TMCO5A: variants seen among roughly 807,000 people sequenced by gnomAD.
The protein encoded by TMCO5A is transmembrane and coiled-coil domains 5A.
TMCO5A carries 34 observed loss-of-function variants against 42.3 expected under a neutral mutation model. The observed-to-expected ratio is 0.80, with a 90% CI of 0.61 to 1.07. The LOEUF (loss-of-function observed/expected upper bound fraction) is 1.07, where lower values mean the gene tolerates loss of function less well. TMCO5A is among the 50% of genes least tolerant of loss of function. The probability of loss-of-function intolerance (pLI) is 0.00; values close to 1 mark genes in which losing one functional copy is unlikely to be tolerated. For missense variants in TMCO5A, 357 were observed against 327.9 expected, an observed-to-expected ratio of 1.09 and a Z score of -0.69; for synonymous variants, 131 against 115.6, an observed-to-expected ratio of 1.13 and a Z score of -0.86.
chr15:37,937,204 G>T (rs765710934), intron 4 of TMCO5A, 142 bp from the exon 5 acceptor site: 106 of 1,126,916 alleles, frequency 9.4e-5, no homozygotes, highest in Non-Finnish European at 1.2e-4. Flanking sequence ...CCTGTGGTTT[G>T]ATTTCAATAT....
the TMCO5A span, chr15:37,994,829 C>T: frequency 1.3e-5 from 2 of 152,344 alleles, no homozygotes; most frequent in Non-Finnish European, 2.9e-5. Flanking sequence ...TGTGTGAAGA[C>T]AAGAGTGAGT....
chr15:37,974,827 G>T, the TMCO5A span, among the ~76,000 whole-genome samples: 2 of 152,004 alleles, frequency 1.3e-5, no homozygotes, highest in Non-Finnish European at 2.9e-5. Context: ...GTTACTCTAG[G>T]TGTTATGTTA....
the TMCO5A span, among the ~76,000 whole-genome samples, chr15:38,039,311 C>T: frequency 5.9e-5 from 9 of 152,138 alleles, no homozygotes; most frequent in East Asian, 9.7e-4. Context: ...TAAGAGAAAA[C>T]GAATGTTAAG....
At chr15:38,014,397 C>T in the TMCO5A span, among the ~76,000 whole-genome samples, 1 of 152,106 alleles carries the variant, frequency 6.6e-6, no homozygotes. Context: ...CCCTTCAGCT[C>T]CCCATTCTTA....
intron 4 of TMCO5A, 108 bp from the exon 5 acceptor site, chr15:37,937,238 G>T: frequency 5.9e-6 from 8 of 1,349,088 alleles, no homozygotes; most frequent in Non-Finnish European, 8.4e-6. Flanking sequence ...TGCAAATAAG[G>T]TCAAGTTACT....
chr15:37,988,208 T>A, the TMCO5A span, among the ~76,000 whole-genome samples: 2 of 152,160 alleles, frequency 1.3e-5, no homozygotes, highest in East Asian at 3.8e-4. Flanking sequence ...TCCTGCTACT[T>A]TGCTGAATTC....
chr15:37,976,793 CTTT>C, the TMCO5A span, among the ~76,000 whole-genome samples: 2,848 of 116,862 alleles, frequency 0.024, 75 homozygotes, highest in African/African-American at 0.093. Context: ...TTTCTTCTTT[CTTT>C]TTTTTTTTTT....
the TMCO5A span, among the ~76,000 whole-genome samples, chr15:38,032,070 C>T: frequency 6.6e-6 from 1 of 152,102 alleles, no homozygotes; most frequent in Non-Finnish European, 1.5e-5. Flanking sequence ...ATTCTCCTGC[C>T]TCAGCTTCCC....
chr15:38,035,763 T>C, the TMCO5A span, among the ~76,000 whole-genome samples: 1 of 152,190 alleles, frequency 6.6e-6, no homozygotes, highest in Non-Finnish European at 1.5e-5. Flanking sequence ...TTTGCTTGTA[T>C]TCAGAAAGCC....
At chr15:38,000,746 C>T in the TMCO5A span, among the ~76,000 whole-genome samples, 17 of 152,026 alleles carry the variant, frequency 1.1e-4, no homozygotes, top group African/African-American at 3.1e-4. Context: ...CAATTTCCTT[C>T]GTAATTTCTT....
downstream of TMCO5A, among the ~76,000 whole-genome samples, chr15:37,952,387 A>T (rs1890182126): frequency 6.6e-6 from 1 of 152,076 alleles, no homozygotes; most frequent in African/African-American, 2.4e-5. Context: ...GCTCAGCCAC[A>T]GGAAGATAGG....
chr15:38,013,184 C>T, the TMCO5A span, among the ~76,000 whole-genome samples: 8 of 152,158 alleles, frequency 5.3e-5, no homozygotes, highest in Non-Finnish European at 7.4e-5. Flanking sequence ...CCAGAAGCCA[C>T]CCACAAAGAT....
chr15:37,957,730 GA>G (rs1182537459), intron 11 of TMCO5A, among the ~76,000 whole-genome samples: 6 of 152,018 alleles, frequency 3.9e-5, no homozygotes, highest in Non-Finnish European at 8.8e-5. Flanking sequence ...CAAAGAATCA[GA>G]AAAAACTACT....
chr15:38,027,069 C>T, the TMCO5A span, among the ~76,000 whole-genome samples: 1 of 152,182 alleles, frequency 6.6e-6, no homozygotes, highest in African/African-American at 2.4e-5. Flanking sequence ...ATCCCCCACA[C>T]AGAGTCCCTC....
intron 2 of TMCO5A, 180 bp from the exon 3 acceptor site, chr15:37,936,134 G>A (rs1384363259): frequency 1.6e-5 from 10 of 621,382 alleles, no homozygotes; most frequent in African/African-American, 3.8e-5. Flanking sequence ...ACTGAGCTGC[G>A]AATTATCGAA....
the TMCO5A span, among the ~76,000 whole-genome samples, chr15:38,018,104 G>A: frequency 1.3e-5 from 2 of 152,244 alleles, no homozygotes; most frequent in African/African-American, 4.8e-5. Flanking sequence ...TTTTATAGCA[G>A]TGCGAAAATG....
downstream of TMCO5A, among the ~76,000 whole-genome samples, chr15:37,971,066 G>A (rs1186625390): frequency 6.6e-6 from 1 of 152,188 alleles, no homozygotes; most frequent in Non-Finnish European, 1.5e-5. Flanking sequence ...CTCTGTGTGG[G>A]GGCTCTGACC....
intron 9 of TMCO5A, 21 bp from the exon 10 acceptor site, chr15:37,943,320 T>A (rs12443282): frequency 0.21 from 337,094 of 1,608,730 alleles, 37,072 homozygotes; most frequent in Admixed American, 0.35. Context: ...TCAATTTCTG[T>A]CCTGGCTGTT....
the TMCO5A span, among the ~76,000 whole-genome samples, chr15:38,034,573 C>T: frequency 6.6e-6 from 1 of 152,212 alleles, no homozygotes; most frequent in East Asian, 1.9e-4. Context: ...CCTGGCTCCA[C>T]CTCCCCAACC....
Sources: allele counts gnomAD v4.1 joint callset (sites outside exome capture counted in the v4.1 genomes callset), GRCh38; gene constraint gnomAD v4.1.1; transcripts MANE v1.5; gene names NCBI Gene and HGNC (gene_info 2026-07-23, HGNC 2026-07-21).